Variants in ENOX1 observed in about 807,000 individuals in gnomAD.
ENOX1 encodes the protein ecto-NOX disulfide-thiol exchanger 1.
A neutral mutation model predicts 82.5 loss-of-function variants in ENOX1; 42 were observed. That is an observed-to-expected ratio of 0.51 (90% CI 0.40 to 0.66). The LOEUF is 0.66. Ranked by LOEUF, ENOX1 falls within the 30% of genes least tolerant of loss-of-function variation. The probability of loss-of-function intolerance (pLI) is 0.00; values close to 1 mark genes in which losing one functional copy is unlikely to be tolerated. For synonymous variants in ENOX1, 271 were observed against 282.2 expected (o/e 0.96, Z 0.40); for missense variants, 608 against 811.6 (o/e 0.75, Z 3.05).
At chr13:43,567,697 T>C (rs1286409064) in intron 2 of ENOX1, among the ~76,000 whole-genome samples, 1 of 152,148 alleles carries the variant, frequency 6.6e-6, no homozygotes, top group Non-Finnish European at 1.5e-5. Context: ...CAGTGCTTAA[T>C]CTACATGTCT....
At chr13:43,465,273 G>C (rs541895487) in intron 3 of ENOX1, among the ~76,000 whole-genome samples, 1 of 152,048 alleles carries the variant, frequency 6.6e-6, no homozygotes, top group Non-Finnish European at 1.5e-5. Flanking sequence ...TTATTTGTTC[G>C]ATTGTTTATT....
chr13:43,639,294 T>G (rs2083533510), intron 2 of ENOX1, among the ~76,000 whole-genome samples: 2 of 152,178 alleles, frequency 1.3e-5, no homozygotes, highest in South Asian at 4.2e-4. Flanking sequence ...AGAGTGAGAA[T>G]CCACCTCAAA....
At chr13:43,665,826 G>A (rs953603055) in intron 2 of ENOX1, among the ~76,000 whole-genome samples, 1 of 151,026 alleles carries the variant, frequency 6.6e-6, no homozygotes, top group African/African-American at 2.4e-5. Flanking sequence ...GCCCACCTCT[G>A]GTCACTGCAC....
intron 2 of ENOX1, among the ~76,000 whole-genome samples, chr13:43,509,239 T>C (rs541353758): frequency 1.1e-4 from 16 of 152,142 alleles, no homozygotes; most frequent in African/African-American, 3.4e-4. Flanking sequence ...TAAATGCCTG[T>C]CCTAATGAGT....
chr13:43,632,726 C>A (rs936015858), intron 2 of ENOX1, among the ~76,000 whole-genome samples: 3 of 152,072 alleles, frequency 2.0e-5, no homozygotes, highest in East Asian at 1.9e-4. Context: ...GGATTACAGG[C>A]GTGAACCACA....
intron 1 of ENOX1, among the ~76,000 whole-genome samples, chr13:43,775,327 A>T (rs940978425): frequency 4.6e-5 from 7 of 152,056 alleles, no homozygotes; most frequent in Non-Finnish European, 1.0e-4. Context: ...TTTTTTGTAG[A>T]GACAGGGTCT....
intron 2 of ENOX1, among the ~76,000 whole-genome samples, chr13:43,626,883 G>A (rs957749621): frequency 7.3e-5 from 11 of 151,706 alleles, no homozygotes; most frequent in African/African-American, 2.4e-4. Flanking sequence ...TTGAGAAAGG[G>A]GTGTTGAACT....
chr13:43,735,718 C>T lies in ENOX1; in HGVS notation c.-285+50934G>A, dbSNP rs533050473. Among the ~76,000 whole-genome samples the T allele has an allele frequency of 4.0e-5, 6 of 151,092 alleles. No individual in the cohort carries two copies. In the South Asian group the frequency reaches 1.0e-3, roughly 26 times the overall value. On this transcript the variant is annotated intron_variant, in intron 1 of 16. Coordinates refer to ENST00000690772, the MANE Select transcript of ENOX1 (RefSeq NM_001347969.2). ...CCTGGGTGACAGAGCAAGACTCAGT[C>T]TCCAAAAAAAAAAGGCAAATGTGGA... is the stretch of plus-strand genomic sequence containing the variant.
intron 1 of ENOX1, among the ~76,000 whole-genome samples, chr13:43,705,330 C>CTA (rs60687265): frequency 0.019 from 2,409 of 129,742 alleles, 55 homozygotes; most frequent in African/African-American, 0.043. Context: ...CTCTCTCTCT[C>CTA]TATATATATA....
At chr13:43,411,856 C>T in intron 5 of ENOX1, 60 bp downstream of exon 5, 1 of 1,595,832 alleles carries the variant, frequency 6.3e-7, no homozygotes, top group Non-Finnish European at 8.6e-7. Flanking sequence ...TTACCAGGCA[C>T]CTGTCACCTA....
At chr13:43,681,986 C>T (rs952532150) in intron 1 of ENOX1, among the ~76,000 whole-genome samples, 2 of 152,116 alleles carry the variant, frequency 1.3e-5, no homozygotes, top group South Asian at 2.1e-4. Flanking sequence ...ATCAGGTATA[C>T]GGCCTCCTAA....
chr13:43,265,547 G>T, intron 13 of ENOX1, 93 bp from the exon 14 acceptor site: 2 of 1,078,426 alleles, frequency 1.9e-6, no homozygotes, highest in Non-Finnish European at 2.7e-6. Context: ...ATTTATCTGA[G>T]GTTGCATTTT....
At chr13:43,574,565 T>G (rs530900459) in intron 2 of ENOX1, among the ~76,000 whole-genome samples, 1 of 152,340 alleles carries the variant, frequency 6.6e-6, no homozygotes, top group South Asian at 2.1e-4. Flanking sequence ...GCATACTGTT[T>G]CAAAAGTTTT....
At chr13:43,404,410 CT>C (rs1466777618) in intron 5 of ENOX1, among the ~76,000 whole-genome samples, 1 of 152,192 alleles carries the variant, frequency 6.6e-6, no homozygotes, top group African/African-American at 2.4e-5. Flanking sequence ...AGGACATTTT[CT>C]GCTTTTAGAA....
intron 1 of ENOX1, among the ~76,000 whole-genome samples, chr13:43,774,646 A>G (rs1951816297): frequency 6.6e-6 from 1 of 152,100 alleles, no homozygotes; most frequent in East Asian, 1.9e-4. Flanking sequence ...CCTCCCGCCC[A>G]GCACTCACCA....
chr13:43,717,938 T>A (rs753428722), intron 1 of ENOX1, among the ~76,000 whole-genome samples: 23 of 152,218 alleles, frequency 1.5e-4, no homozygotes, highest in Non-Finnish European at 2.9e-4. Context: ...ATGGTGGGAA[T>A]ACAAACTAGT....
intron 1 of ENOX1, among the ~76,000 whole-genome samples, chr13:43,728,628 G>A (rs1386158852): frequency 1.3e-5 from 2 of 152,092 alleles, no homozygotes; most frequent in African/African-American, 4.8e-5. Context: ...ATTCACTTGG[G>A]AACTGCTGTG....
intron 1 of ENOX1, among the ~76,000 whole-genome samples, chr13:43,745,832 G>A (rs1388376295): frequency 6.6e-6 from 1 of 152,028 alleles, no homozygotes. Flanking sequence ...GTTTTATAAG[G>A]GGCTTTTCCC....
At chr13:43,405,997 T>C (rs1468590479) in intron 5 of ENOX1, among the ~76,000 whole-genome samples, 1 of 152,258 alleles carries the variant, frequency 6.6e-6, no homozygotes, top group Non-Finnish European at 1.5e-5. Context: ...CAGTAAGGTC[T>C]ATGTCCTGTA....
Sources: gnomAD v4.1 joint callset for allele counts (sites outside exome capture counted in the v4.1 genomes callset) on GRCh38, gnomAD v4.1.1 for gene constraint, MANE v1.5 for transcripts, NCBI Gene and HGNC (gene_info 2026-07-23, HGNC 2026-07-21) for gene names.